LPAR3: variants seen among roughly 807,000 people sequenced by gnomAD.
LPAR3 encodes the protein lysophosphatidic acid receptor 3, also known as LPA receptor 3.
A neutral mutation model predicts 17.8 loss-of-function variants in LPAR3; 7 were observed. That is an observed-to-expected ratio of 0.39 (90% CI 0.22 to 0.74). The LOEUF (loss-of-function observed/expected upper bound fraction) is 0.74. Ranked by LOEUF, LPAR3 falls within the 30% of genes least tolerant of loss-of-function variation. The pLI, the probability that LPAR3 is intolerant of heterozygous loss-of-function variation, is 0.40. For synonymous variants in LPAR3, 179 were observed against 179.9 expected, an observed-to-expected ratio of 0.99 and a Z score of 0.04; for missense variants, 391 against 453.4, an observed-to-expected ratio of 0.86 and a Z score of 1.25.
At chr1:84,880,970 C>T (rs1242256191) in intron 1 of LPAR3, among the ~76,000 whole-genome samples, 1 of 152,226 alleles carries the variant, frequency 6.6e-6, no homozygotes, top group Non-Finnish European at 1.5e-5. Flanking sequence ...TCCTGCCCAG[C>T]AGGGTTTCGT....
intron 2 of LPAR3, among the ~76,000 whole-genome samples, chr1:84,863,555 G>A (rs1436862447): frequency 1.3e-5 from 2 of 152,274 alleles, no homozygotes; most frequent in East Asian, 3.9e-4. Context: ...TTACACTGGA[G>A]GGCCTGCCCT....
At chr1:84,829,649 A>G (rs1659244673) in intron 2 of LPAR3, among the ~76,000 whole-genome samples, 1 of 152,178 alleles carries the variant, frequency 6.6e-6, no homozygotes, top group African/African-American at 2.4e-5. Flanking sequence ...AGAAAAAAAA[A>G]ATGGTAAGGC....
chr1:84,861,389 C>T (rs947959624), intron 2 of LPAR3, among the ~76,000 whole-genome samples: 1 of 152,184 alleles, frequency 6.6e-6, no homozygotes. Flanking sequence ...TGCTGCCCCA[C>T]AAGATTCATA....
chr1:84,843,925 C>T (rs1470425161), intron 2 of LPAR3, among the ~76,000 whole-genome samples: 1 of 152,222 alleles, frequency 6.6e-6, no homozygotes, highest in Non-Finnish European at 1.5e-5. Flanking sequence ...TTAAGAAGTC[C>T]ATGACCACCC....
chr1:84,884,050 C>A (rs1019097763), intron 1 of LPAR3, among the ~76,000 whole-genome samples: 2 of 152,220 alleles, frequency 1.3e-5, no homozygotes, highest in African/African-American at 4.8e-5. Context: ...TGTTCCAGCT[C>A]ACAGCCTATG....
chr1:84,876,268 C>T (rs929142113), intron 1 of LPAR3, among the ~76,000 whole-genome samples: 7 of 152,124 alleles, frequency 4.6e-5, no homozygotes, highest in Admixed American at 2.0e-4. Flanking sequence ...ATGAATATAA[C>T]GCACATTTGA....
chr1:84,825,776 G>A (rs1473260439), intron 2 of LPAR3, among the ~76,000 whole-genome samples: 1 of 152,194 alleles, frequency 6.6e-6, no homozygotes, highest in Non-Finnish European at 1.5e-5. Context: ...GGCCCAGGAG[G>A]CCGGGCCTAC....
At chr1:84,875,940 C>T (rs542688182) in intron 1 of LPAR3, among the ~76,000 whole-genome samples, 1 of 152,296 alleles carries the variant, frequency 6.6e-6, no homozygotes, top group East Asian at 1.9e-4. Flanking sequence ...CTCCTTCTTG[C>T]TTCTGGAGAT....
intron 1 of LPAR3, among the ~76,000 whole-genome samples, chr1:84,892,214 AAAATAAATAAAT>A (rs71097866): frequency 0.054 from 7,367 of 135,552 alleles, 205 homozygotes; most frequent in Non-Finnish European, 0.072. Flanking sequence ...CTGTGTCTCA[AAAATAAATAAAT>A]AAATAAATAA....
intron 2 of LPAR3, among the ~76,000 whole-genome samples, chr1:84,840,530 T>C (rs1158546912): frequency 6.6e-6 from 1 of 152,214 alleles, no homozygotes; most frequent in South Asian, 2.1e-4. Flanking sequence ...AATCCAGAAG[T>C]ATCAGTCAGA....
At chr1:84,854,470 T>C (rs1260594284) in intron 2 of LPAR3, among the ~76,000 whole-genome samples, 2 of 152,188 alleles carry the variant, frequency 1.3e-5, no homozygotes, top group Admixed American at 6.5e-5. Flanking sequence ...GAAATAGGGT[T>C]CTCTATTAGT....
chr1:84,861,070 A>AATATGTATC (rs966208505), intron 2 of LPAR3, among the ~76,000 whole-genome samples: 3 of 152,204 alleles, frequency 2.0e-5, no homozygotes, highest in African/African-American at 7.2e-5. Context: ...TTTCCTACAA[A>AATATGTATC]ATATGTATCA....
chr1:84,850,378 G>A (rs564460099), intron 2 of LPAR3, among the ~76,000 whole-genome samples: 1 of 94,310 alleles, frequency 1.1e-5, no homozygotes, highest in Non-Finnish European at 1.9e-5. Flanking sequence ...GCAACATGGT[G>A]AAACTCTGTC....
chr1:84,881,774 G>C (rs1370362697), intron 1 of LPAR3, among the ~76,000 whole-genome samples: 1 of 152,152 alleles, frequency 6.6e-6, no homozygotes, highest in Non-Finnish European at 1.5e-5. Context: ...GGAGAAGAGA[G>C]GCAATGCAGT....
intron 1 of LPAR3, among the ~76,000 whole-genome samples, chr1:84,880,268 G>A (rs907059103): frequency 6.6e-6 from 1 of 152,160 alleles, no homozygotes; most frequent in Non-Finnish European, 1.5e-5. Flanking sequence ...CAGAACATGA[G>A]CTTGTTTTGG....
chr1:84,840,210 C>A (rs1342080612), intron 2 of LPAR3, among the ~76,000 whole-genome samples: 5 of 152,198 alleles, frequency 3.3e-5, no homozygotes, highest in Non-Finnish European at 7.3e-5. Context: ...CATGTATGAG[C>A]CGCCATGCCT....
intron 1 of LPAR3, among the ~76,000 whole-genome samples, chr1:84,888,173 CACACACAG>C (rs72342570): frequency 0.36 from 50,820 of 140,400 alleles, 8,899 homozygotes; most frequent in East Asian, 0.47. Flanking sequence ...CACACACACA[CACACACAG>C]AGAGAGGCAG....
intron 2 of LPAR3, among the ~76,000 whole-genome samples, chr1:84,816,497 C>G (rs1239078977): frequency 6.6e-6 from 1 of 152,132 alleles, no homozygotes; most frequent in Non-Finnish European, 1.5e-5. Context: ...ATGGTTTCTT[C>G]TCTTAAATAA....
intron 1 of LPAR3, among the ~76,000 whole-genome samples, chr1:84,876,357 C>T (rs904678929): frequency 6.6e-6 from 1 of 152,186 alleles, no homozygotes; most frequent in African/African-American, 2.4e-5. Context: ...CCCTTAGGGA[C>T]TGCTTCCTTG....
Sources: gnomAD v4.1 joint callset for allele counts (sites outside exome capture counted in the v4.1 genomes callset) on GRCh38, gnomAD v4.1.1 for gene constraint, MANE v1.5 for transcripts, NCBI Gene and HGNC (gene_info 2026-07-23, HGNC 2026-07-21) for gene names.